GLIS1: variants seen among roughly 807,000 people sequenced by gnomAD.
GLIS1 encodes zinc finger protein GLIS1.
GLIS1 carries 24 observed loss-of-function variants against 63.8 expected under a neutral mutation model. The ratio of observed to expected loss-of-function variants is 0.38; its 90% CI spans 0.27 to 0.53. GLIS1 has a LOEUF of 0.53. Among genes scored for constraint, GLIS1 ranks in the 20% least tolerant of loss-of-function variants. The pLI, the probability that GLIS1 is intolerant of heterozygous loss-of-function variation, is 0.85. For missense variants in GLIS1, 1,036 were observed against 1,074.1 expected, an observed-to-expected ratio of 0.96 and a Z score of 0.50; for synonymous variants, 450 against 482.5, an observed-to-expected ratio of 0.93 and a Z score of 0.88.
chr1:53,676,209 C>A (rs2100412393), intron 2 of GLIS1, among the ~76,000 whole-genome samples: 1 of 152,286 alleles, frequency 6.6e-6, no homozygotes, highest in South Asian at 2.1e-4. Flanking sequence ...CCCCACAGGC[C>A]CCAAGGGTGT....
At chr1:53,513,129 G>A (rs1423307045) in intron 8 of GLIS1, among the ~76,000 whole-genome samples, 1 of 152,052 alleles carries the variant, frequency 6.6e-6, no homozygotes, top group Non-Finnish European at 1.5e-5. Flanking sequence ...CTGCCTGTCA[G>A]CAGCCCCTCT....
chr1:53,611,819 A>G (rs1419628523), intron 2 of GLIS1, among the ~76,000 whole-genome samples: 4 of 151,992 alleles, frequency 2.6e-5, no homozygotes, highest in Non-Finnish European at 5.9e-5. Context: ...TAATTTATCA[A>G]CTTCTTTTTT....
intron 2 of GLIS1, among the ~76,000 whole-genome samples, chr1:53,707,667 C>A (rs1167679183): frequency 6.6e-6 from 1 of 151,598 alleles, no homozygotes; most frequent in African/African-American, 2.4e-5. Context: ...AAAAAGAAAT[C>A]AAAACCATTT....
intron 2 of GLIS1, among the ~76,000 whole-genome samples, chr1:53,687,966 A>G (rs895787134): frequency 5.9e-5 from 9 of 152,154 alleles, no homozygotes; most frequent in African/African-American, 2.2e-4. Context: ...CTGTGCCCCT[A>G]GCCCCACCTC....
chr1:53,683,223 C>A (rs752181702), intron 2 of GLIS1, among the ~76,000 whole-genome samples: 49 of 152,186 alleles, frequency 3.2e-4, no homozygotes, highest in Non-Finnish European at 4.9e-4. Flanking sequence ...CCATGAACAC[C>A]TCCTGAACAT....
chr1:53,672,085 C>A (rs891069180), intron 2 of GLIS1, among the ~76,000 whole-genome samples: 1 of 152,170 alleles, frequency 6.6e-6, no homozygotes, highest in Non-Finnish European at 1.5e-5. Flanking sequence ...GGGCCAAGGC[C>A]AACTGAGTCA....
rs544497529 is a variant in GLIS1 at position 53,521,257 on chromosome 1, T to C, written c.1594-491A>G. On this transcript the variant is annotated intron_variant, in intron 6 of 10. Transcript: ENST00000628545. ...GTGTGGTCTCCGATGGGTAGCTGAG[T>C]TCTGCAGGTGCGTTCTGTGCAGCCG... Among the ~76,000 whole-genome samples, 9 of 97,730 alleles carry C rather than the reference T, an allele frequency of 9.2e-5. No individual in the cohort carries two copies. The South Asian group carries it at 5.3e-3, about 58-fold the overall frequency. 64.1% of individuals were successfully genotyped at this position (97,730 alleles called of 152,430 possible). A position where few individuals can be genotyped will look rare whatever the true frequency, so the allele number is the denominator to read the frequency against.
intron 4 of GLIS1, among the ~76,000 whole-genome samples, chr1:53,545,658 T>C (rs1328290564): frequency 1.3e-5 from 2 of 152,240 alleles, no homozygotes; most frequent in Non-Finnish European, 2.9e-5. Flanking sequence ...CCTTTTTTCC[T>C]TACATTTCAC....
intron 2 of GLIS1, among the ~76,000 whole-genome samples, chr1:53,704,294 C>T (rs1570077448): frequency 6.6e-6 from 1 of 152,374 alleles, no homozygotes; most frequent in East Asian, 1.9e-4. Flanking sequence ...GCCTACTTTC[C>T]ACCCCTTAAA....
At position 53,595,466 on chromosome 1, in the gene GLIS1, G is replaced by A. The variant is rs116011992; in HGVS notation, c.438-476C>T. On this transcript the variant is annotated intron_variant, in intron 3 of 10. Coordinates refer to ENST00000628545, the MANE Select transcript of GLIS1 (RefSeq NM_001367484.1). The stretch of plus-strand genomic sequence containing the variant: ...GCCCAGGAGGTTGAGGCTGCAGGGA[G>A]CCAAGGTCATAACATGCACTCCAGG... Among the ~76,000 whole-genome samples, 654 of 152,272 alleles carry A rather than the reference G, an allele frequency of 4.3e-3. 3 individuals carry two copies. The highest frequency in any genetic ancestry group is 0.014 in the African/African-American group (573 of 41,550).
At chr1:53,564,114 A>T (rs1229211182) in intron 4 of GLIS1, among the ~76,000 whole-genome samples, 2 of 152,360 alleles carry the variant, frequency 1.3e-5, no homozygotes, top group South Asian at 4.1e-4. Context: ...CTAAACGCAC[A>T]CTGTTTTATA....
At chr1:53,690,613 G>A (rs948113682) in intron 2 of GLIS1, among the ~76,000 whole-genome samples, 1 of 152,224 alleles carries the variant, frequency 6.6e-6, no homozygotes, top group Non-Finnish European at 1.5e-5. Flanking sequence ...TGCCAGGGCC[G>A]TCTCTCTTTC....
chr1:53,511,276 G>A lies in GLIS1; in HGVS notation c.1884-1249C>T, dbSNP rs926915970. Among the ~76,000 whole-genome samples, 3 of 152,204 alleles carry A rather than the reference G, an allele frequency of 2.0e-5. No homozygotes were observed. Among genetic ancestry groups the A allele is most frequent in the African/African-American group, 7.2e-5 (3 of 41,434 alleles). ...CGAATTCAATGTCACAGCTCCAGGTGACCTCGTGACCCTTGCCCACCCTCT... is the reference window on the plus strand; with the variant it reads ...CGAATTCAATGTCACAGCTCCAGGTAACCTCGTGACCCTTGCCCACCCTCT... On this transcript the variant is annotated intron_variant, in intron 8 of 10. Transcript: ENST00000628545. This position sits in a 1 kb window ranked among gnomAD's most constrained non-coding sequence, Gnocchi z 4.2.
At chr1:53,517,489 T>C (rs533866640) in intron 7 of GLIS1, among the ~76,000 whole-genome samples, 4 of 152,218 alleles carry the variant, frequency 2.6e-5, no homozygotes, top group South Asian at 2.1e-4. Context: ...TTGAACCAAT[T>C]TGGGGGCCTG....
intron 2 of GLIS1, among the ~76,000 whole-genome samples, chr1:53,720,383 C>T (rs1570101459): frequency 6.6e-6 from 1 of 152,084 alleles, no homozygotes; most frequent in East Asian, 1.9e-4. Context: ...TTAAATGAAA[C>T]AAGCCAGACA....
chr1:53,640,710 G>A (rs1372323592), intron 2 of GLIS1, among the ~76,000 whole-genome samples: 1 of 152,164 alleles, frequency 6.6e-6, no homozygotes, highest in East Asian at 1.9e-4. Context: ...AGTAAGTAAC[G>A]TGCCCAAAGT....
chr1:53,732,192 C>T (rs1231223296), intron 2 of GLIS1, among the ~76,000 whole-genome samples: 3 of 152,208 alleles, frequency 2.0e-5, no homozygotes, highest in Non-Finnish European at 2.9e-5. Flanking sequence ...CTCGATCCAC[C>T]GGAAACCTAC....
intron 4 of GLIS1, among the ~76,000 whole-genome samples, chr1:53,569,921 C>T (rs1423667424): frequency 3.3e-5 from 5 of 151,994 alleles, no homozygotes. Context: ...ATATAAAACA[C>T]TGTAGAAAGT....
At position 53,565,809 on chromosome 1, in the gene GLIS1, T is replaced by G. The variant is rs185158149; in HGVS notation, c.1320+28299A>C. Among the ~76,000 whole-genome samples the G allele has an allele frequency of 5.1e-3, 771 of 150,254 alleles. 2 individuals are homozygous for G. Among genetic ancestry groups the G allele is most frequent in the Middle Eastern group, 0.021 (6 of 292 alleles). On this transcript the variant is annotated intron_variant, in intron 4 of 10. Transcript: ENST00000628545. ...AATCTTATACAAATTCTTCAAGGAA[T>G]AGAAAAAAAAAGGGATACTCCCAAA...
Sources: allele counts gnomAD v4.1 joint callset (sites outside exome capture counted in the v4.1 genomes callset), GRCh38; gene constraint gnomAD v4.1.1; non-coding constraint Gnocchi (gnomAD v3.1); transcripts MANE v1.5; gene names NCBI Gene and HGNC (gene_info 2026-07-23, HGNC 2026-07-21).